The following PATL1 variants were observed in gnomAD, a reference collection of about 807,000 sequenced individuals.
The protein encoded by PATL1 is protein PAT1 homolog 1.
A neutral mutation model predicts 100.6 loss-of-function variants in PATL1; 32 were observed. The ratio of observed to expected loss-of-function variants is 0.32; its 90% CI spans 0.24 to 0.43. PATL1 has a LOEUF of 0.43. Ranked by LOEUF, PATL1 falls within the 20% of genes least tolerant of loss-of-function variation. PATL1 has a pLI of 1.00. For synonymous variants in PATL1, 332 were observed against 330.0 expected, an observed-to-expected ratio of 1.01 and a Z score of -0.07; for missense variants, 747 against 949.9, an observed-to-expected ratio of 0.79 and a Z score of 2.81.
At chr11:59,643,411 A>T (rs904213204) in intron 15 of PATL1, among the ~76,000 whole-genome samples, 1 of 152,018 alleles carries the variant, frequency 6.6e-6, no homozygotes, top group African/African-American at 2.4e-5. Context: ...AGTATAGCGG[A>T]GAAGATATGG....
At chr11:59,642,784 T>C in intron 16 of PATL1, 96 bp downstream of exon 16, 1 of 1,342,278 alleles carries the variant, frequency 7.5e-7, no homozygotes, top group Non-Finnish European at 1.0e-6. Context: ...AGAAGCCTTT[T>C]TCCCAAGTTG....
At chr11:59,662,170 C>T (rs1370995844) in intron 2 of PATL1, among the ~76,000 whole-genome samples, 1 of 152,116 alleles carries the variant, frequency 6.6e-6, no homozygotes, top group Non-Finnish European at 1.5e-5. Context: ...GGACCCACTG[C>T]CTAGTTTGGT....
chr11:59,649,578 A>G lies in PATL1; in HGVS notation c.1617T>C (p.Tyr539=). 6.2e-7 allele frequency: 1 copy of G among 1,613,446 alleles called. No homozygotes were observed. Among genetic ancestry groups the G allele is most frequent in the South Asian group, 1.1e-5 (1 of 90,934 alleles). Residue 539 remains tyrosine, a synonymous_variant, in exon 14 of 19, where the codon TAT becomes TAC. Coordinates refer to ENST00000300146, the MANE Select transcript of PATL1 (RefSeq NM_152716.3). The stretch of plus-strand genomic sequence containing the variant: ...CCAGACTTAGGAGATAACGTCTTTC[A>G]TAGTCCTCCACATCAAGGAGTAAGC... The part of the protein sequence containing the change: ...TYSLLLDVED[Y]ERRYLLSLEE...
intron 16 of PATL1, among the ~76,000 whole-genome samples, chr11:59,640,610 C>T (rs546516546): frequency 1.3e-5 from 2 of 152,124 alleles, no homozygotes; most frequent in Admixed American, 6.5e-5. Flanking sequence ...GTCCCAGCTA[C>T]TCGGGAGGCT....
chr11:59,654,181 CAA>C, intron 8 of PATL1, 109 bp from the exon 9 acceptor site: 1 of 977,454 alleles, frequency 1.0e-6, no homozygotes, highest in South Asian at 1.3e-5. Context: ...TAAGGGACTA[CAA>C]AAGTCTATTC....
At chr11:59,653,238 A>G (rs939489374) in intron 9 of PATL1, among the ~76,000 whole-genome samples, 1 of 152,178 alleles carries the variant, frequency 6.6e-6, no homozygotes, top group African/African-American at 2.4e-5. Flanking sequence ...GTACCTTACC[A>G]TATGCTAAGC....
intron 2 of PATL1, among the ~76,000 whole-genome samples, chr11:59,660,810 G>A (rs965054304): frequency 6.6e-6 from 1 of 151,698 alleles, no homozygotes; most frequent in African/African-American, 2.4e-5. Context: ...GAAGAGGAAG[G>A]GGCATTTCCT....
chr11:59,659,205 T>A, intron 3 of PATL1, 47 bp downstream of exon 3: 1 of 1,501,978 alleles, frequency 6.7e-7, no homozygotes, highest in South Asian at 1.2e-5. Flanking sequence ...ATACTTCACT[T>A]TAATTTTTAG....
At chr11:59,653,921 G>A in intron 9 of PATL1, 62 bp downstream of exon 9, 1 of 1,431,326 alleles carries the variant, frequency 7.0e-7, no homozygotes, top group Non-Finnish European at 9.8e-7. Flanking sequence ...ATAGCATGTT[G>A]TTACACTGTT....
chr11:59,656,669 C>T, intron 5 of PATL1, 69 bp from the exon 6 acceptor site: 2 of 1,327,150 alleles, frequency 1.5e-6, no homozygotes, highest in African/African-American at 1.4e-5. Context: ...CACTCCCTCC[C>T]CTCAAGTACT....
intron 2 of PATL1, among the ~76,000 whole-genome samples, chr11:59,660,445 T>A (rs180784883): frequency 6.0e-4 from 92 of 152,334 alleles, no homozygotes; most frequent in Non-Finnish European, 1.0e-3. Flanking sequence ...ATTGAAAATT[T>A]AAATAGATGG....
intron 15 of PATL1, among the ~76,000 whole-genome samples, chr11:59,645,007 G>A (rs1299663117): frequency 3.7e-5 from 5 of 135,626 alleles, no homozygotes; most frequent in African/African-American, 1.5e-4. Context: ...TCCAACCACT[G>A]TAAAGTTCCC....
intron 1 of PATL1, among the ~76,000 whole-genome samples, chr11:59,667,887 A>C (rs1861712820): frequency 6.6e-6 from 1 of 152,186 alleles, no homozygotes; most frequent in African/African-American, 2.4e-5. Context: ...ACCTGTCCTC[A>C]ATTTTCAAAA....
intron 2 of PATL1, 128 bp downstream of exon 2, chr11:59,666,725 G>A (rs1015072103): frequency 5.1e-6 from 5 of 984,998 alleles, no homozygotes; most frequent in Admixed American, 3.1e-5. Context: ...TCTAAGATGA[G>A]GAATAGAAGA....
At chr11:59,657,233 T>C in intron 5 of PATL1, 9 of 739,502 alleles carry the variant, frequency 1.2e-5, no homozygotes, top group Non-Finnish European at 1.3e-5. Flanking sequence ...GGCTTTCAGT[T>C]ATCTCTCTGA....
chr11:59,647,458 G>A (rs1429545220), intron 15 of PATL1, among the ~76,000 whole-genome samples: 1 of 152,110 alleles, frequency 6.6e-6, no homozygotes, highest in South Asian at 2.1e-4. Context: ...AGCAGTTTGG[G>A]GTGGAGTTGA....
chr11:59,666,957 T>C lies in PATL1; in HGVS notation c.23A>G (p.Glu8Gly). The C allele has an allele frequency of 6.5e-7, 1 of 1,542,374 alleles. No homozygotes were observed. Residue 8 changes from glutamate to glycine, a missense_variant, in exon 2 of 19, where the codon GAG becomes GGG. Physicochemically the swap from Glu to Gly is moderately conservative, Grantham distance 98. Transcript: ENST00000300146. ...TTCATCTTCATCCAGAGGACAATCC[T>C]CCAAAGACTAAAAAAAAAGAAAAGA... MFRYESL[E>G]DCPLDEDEDA...
At chr11:59,667,851 G>T (rs888209351) in intron 1 of PATL1, among the ~76,000 whole-genome samples, 7 of 152,108 alleles carry the variant, frequency 4.6e-5, no homozygotes, top group African/African-American at 1.7e-4. Flanking sequence ...CTTTTGGTTT[G>T]GTCTTAGATC....
chr11:59,655,619 G>A lies in PATL1; in HGVS notation c.935C>T (p.Ala312Val), dbSNP rs368484827. 3.8e-6 allele frequency: 6 copies of A among 1,595,424 alleles called. No individual in the cohort carries two copies. Among genetic ancestry groups the A allele is most frequent in the Non-Finnish European group, 5.1e-6 (6 of 1,170,854 alleles). Residue 312 changes from alanine (A) to valine (V), a missense_variant, in exon 8 of 19, where the codon GCA (alanine) becomes GTA (valine). By Grantham distance (64) the Ala-to-Val change is moderately conservative. This residue lies in a region of PATL1 where 434 missense variants were observed against 596.1 expected (regional missense o/e 0.73). Transcript: ENST00000300146. ...ACTAAAGAAGGCACGGAAGCCTGGTGCTGGGGGAAGCATCTGCCCAACTCG... is the reference window on the plus strand; with the variant it reads ...ACTAAAGAAGGCACGGAAGCCTGGTACTGGGGGAAGCATCTGCCCAACTCG... ...QGRVGQMLPPAPGFRAFFSAP... is the reference protein window; with the variant it reads ...QGRVGQMLPPVPGFRAFFSAP...
Sources: allele counts gnomAD v4.1 joint callset (sites outside exome capture counted in the v4.1 genomes callset), GRCh38; gene constraint gnomAD v4.1.1; regional missense constraint gnomAD v4.1.1; transcripts MANE v1.5; gene names NCBI Gene and HGNC (gene_info 2026-07-23, HGNC 2026-07-21).